Variants in PALM observed in about 807,000 individuals in gnomAD.
PALM encodes the protein paralemmin.
A neutral mutation model predicts 30.7 loss-of-function variants in PALM; 18 were observed. The observed-to-expected ratio is 0.59, with a 90% CI of 0.41 to 0.87. The LOEUF (loss-of-function observed/expected upper bound fraction) is 0.87. Among genes scored for constraint, PALM ranks in the 40% least tolerant of loss-of-function variants. PALM has a pLI of 0.00. For missense variants in PALM, 529 were observed against 555.4 expected (o/e 0.95, Z 0.48); for synonymous variants, 286 against 242.8 (o/e 1.18, Z -1.66).
At position 740,335 on chromosome 19, in the gene PALM, C is replaced by T. The variant is rs754102497; in HGVS notation, c.503-17C>T. ...GGGCGGGCAGGCCGTGGTGTAACCC[C>T]GTGACTCTCGTGCCAGCCATGTACT... On this transcript the variant is annotated splice_polypyrimidine_tract_variant and intron_variant, in intron 7 of 8. Coordinates refer to ENST00000338448, the MANE Select transcript of PALM (RefSeq NM_002579.3). 1.4e-5 allele frequency: 21 copies of T among 1,553,708 alleles called. No homozygotes were observed. The highest frequency in any genetic ancestry group is 5.8e-5 in the Admixed American group (3 of 51,752).
At chr19:724,543 A>C (rs1029190437) in intron 1 of PALM, among the ~76,000 whole-genome samples, 1 of 150,976 alleles carries the variant, frequency 6.6e-6, no homozygotes, top group African/African-American at 2.4e-5. Flanking sequence ...CTGGTCTAGA[A>C]CTCCTGACCT....
At chr19:727,232 G>A (rs1446283513) in intron 3 of PALM, 144 bp downstream of exon 3, 9 of 433,270 alleles carry the variant, frequency 2.1e-5, no homozygotes, top group Non-Finnish European at 3.7e-5. Context: ...CCCCGACCCT[G>A]ACCCCGACCC....
chr19:727,634 T>G lies in PALM; in HGVS notation c.209T>G (p.Leu70Arg). The change falls in exon 4 of 9, where the codon CTG becomes CGG. Residue 70 changes from leucine to arginine, a missense_variant. Physicochemically the swap from Leu to Arg is moderately radical, Grantham distance 102 (BLOSUM62 -2). Transcript: ENST00000338448. ...TCGGCCTCAGAGGGGGATGAGGACC[T>G]GAGGAGGCAGATGCAGGACGACGAG... ...PSSASEGDEDLRRQMQDDEQK... is the reference protein window; with the variant it reads ...PSSASEGDEDRRRQMQDDEQK... The G allele has an allele frequency of 6.4e-7, 1 of 1,574,212 alleles. No individual in the cohort carries two copies. Among genetic ancestry groups the G allele is most frequent in the Non-Finnish European group, 8.6e-7 (1 of 1,159,986 alleles).
chr19:740,968 CAAAAAA>C (rs60937470), intron 8 of PALM, among the ~76,000 whole-genome samples: 13 of 93,810 alleles, frequency 1.4e-4, no homozygotes, highest in African/African-American at 4.8e-4. Context: ...CCGTCTCTAC[CAAAAAA>C]AAAAAAAAAA....
chr19:733,359 A>T (rs1241225115), intron 5 of PALM, among the ~76,000 whole-genome samples: 1 of 152,190 alleles, frequency 6.6e-6, no homozygotes, highest in Non-Finnish European at 1.5e-5. Context: ...TGACGGGCAC[A>T]CCCAGTGACG....
chr19:734,297 C>A lies in PALM; in HGVS notation c.442+103C>A, dbSNP rs762819504. On this transcript the variant is annotated intron_variant, in intron 6 of 8. Coordinates refer to ENST00000338448, the MANE Select transcript of PALM (RefSeq NM_002579.3). ...AGCTACAAAGTTGCTCGGTGCCTCA[C>A]GCCTGTGATCCCAGCACTTTGGGAG... 17 of 1,097,622 alleles carry A rather than the reference C, an allele frequency of 1.5e-5. No individual in the cohort carries two copies. In the African/African-American group the frequency reaches 2.3e-4, roughly 15 times the overall value. The allele number at this position is 1,097,622 out of a possible 1,614,324, so 68.0% of individuals were successfully genotyped here.
chr19:741,614 C>T (rs1016014767), intron 8 of PALM, among the ~76,000 whole-genome samples: 3 of 151,680 alleles, frequency 2.0e-5, no homozygotes, highest in South Asian at 2.1e-4. Flanking sequence ...GCTGGGCTCA[C>T]GCAGGGAGGA....
At chr19:713,888 CT>C (rs2032165332) in intron 1 of PALM, among the ~76,000 whole-genome samples, 1 of 143,606 alleles carries the variant, frequency 7.0e-6, no homozygotes, top group East Asian at 2.1e-4. Context: ...AGCCTATGTT[CT>C]TTTTTTCTTT....
chr19:736,061 C>T lies in PALM; in HGVS notation c.485C>T (p.Ser162Phe), dbSNP rs140331374. Reference protein sequence around the residue: ...SNTPLRTVDGSPMMKAAMYSV... With the variant: ...SNTPLRTVDGFPMMKAAMYSV... ...ACGCCCCTGAGGACGGTTGACGGCT[C>T]CCCCATGATGAAGGCAGGTGGGTTG... The change falls in exon 7 of 9, where the codon TCC becomes TTC. Residue 162 changes from serine to phenylalanine, a missense_variant. Transcript: ENST00000338448. The T allele has an allele frequency of 9.3e-6, 15 of 1,609,672 alleles. No individual in the cohort carries two copies. The African/African-American group carries it at 1.9e-4, about 20-fold the overall frequency.
Position 747,682 on chromosome 19 carries a change from C to G in PALM, c.*868C>G, listed in dbSNP as rs2033389171. On this transcript the variant is annotated 3_prime_UTR_variant, in exon 9 of 9. Coordinates refer to ENST00000338448, the MANE Select transcript of PALM (RefSeq NM_002579.3). ...TTCTCCATCCTGCTTGGACCAGGGT[C>G]CTGGGTCTTCCCAACCATACCCCGA... 6.5e-6 allele frequency: 1 copy of G among 152,782 alleles called. No individual in the cohort carries two copies. Among genetic ancestry groups the G allele is most frequent in the Non-Finnish European group, 1.5e-5 (1 of 68,226 alleles). The allele number at this position is 152,782 out of a possible 1,614,324, so 9.5% of individuals were successfully genotyped here.
chr19:724,740 C>T (rs369908371), intron 1 of PALM, among the ~76,000 whole-genome samples: 1 of 152,262 alleles, frequency 6.6e-6, no homozygotes, highest in East Asian at 1.9e-4. Flanking sequence ...CCTTAGCCTC[C>T]CGAGTAGCTG....
rs879042291 is a variant in PALM, at chr19:734,175, G to A, written c.423G>A (p.Thr141=). ...KTEVVMNSQQ[T]PVGTPKDKRV... is the part of the protein sequence containing the mutation. Reference sequence around the variant, plus strand: ...CCCTTCTCTCTTCTTTCTTGCAGACGCCGGTGGGCACGCCCAAAGGTAGGA... The same window carrying A: ...CCCTTCTCTCTTCTTTCTTGCAGACACCGGTGGGCACGCCCAAAGGTAGGA... The change falls in exon 6 of 9, where the codon ACG becomes ACA. Residue 141 remains threonine, a splice_region_variant and synonymous_variant. Transcript: ENST00000338448. 6 of 1,613,860 alleles carry A rather than the reference G, an allele frequency of 3.7e-6. No homozygotes were observed. The highest frequency in any genetic ancestry group is 1.7e-5 in the Admixed American group (1 of 59,998).
intron 7 of PALM, among the ~76,000 whole-genome samples, chr19:739,456 G>A (rs1006618949): frequency 1.3e-5 from 2 of 152,042 alleles, no homozygotes; most frequent in Non-Finnish European, 2.9e-5. Context: ...GAGGTGGGAG[G>A]ATTGCTTGAG....
At chr19:729,602 A>AT (rs901956640) in intron 4 of PALM, among the ~76,000 whole-genome samples, 1 of 149,650 alleles carries the variant, frequency 6.7e-6, no homozygotes, top group African/African-American at 2.5e-5. Flanking sequence ...AGTAGCTGGG[A>AT]TTACAGGTGC....
intron 7 of PALM, among the ~76,000 whole-genome samples, chr19:737,455 TG>T (rs1279336592): frequency 6.6e-6 from 1 of 152,114 alleles, no homozygotes; most frequent in African/African-American, 2.4e-5. Context: ...TGCCAGGCAT[TG>T]GGGGAGAGGG....
chr19:726,900 T>C (rs1392883189), intron 2 of PALM, 108 bp from the exon 3 acceptor site: 2 of 691,630 alleles, frequency 2.9e-6, no homozygotes, highest in Non-Finnish European at 5.0e-6. Context: ...GCCACGAGGA[T>C]CCCCGGACAG....
rs2144924009 is a variant in PALM, at chr19:742,108, G to A, written c.634+1625G>A. Among the ~76,000 whole-genome samples the A allele has an allele frequency of 1.3e-5, 2 of 152,286 alleles. 1 individual carries two copies. Among genetic ancestry groups the A allele is most frequent in the South Asian group, 4.1e-4 (2 of 4,826 alleles). The stretch of plus-strand genomic sequence containing the variant: ...GGACATTGAGGCTGCAATGAGCTAT[G>A]ATGGCACCCCTGCACTCCAGCCTGG... On this transcript the variant is annotated intron_variant, in intron 8 of 8. Transcript: ENST00000338448. This position sits in a 1 kb window ranked among gnomAD's most constrained non-coding sequence, Gnocchi z 5.5.
intron 7 of PALM, among the ~76,000 whole-genome samples, chr19:738,162 G>A (rs572086927): frequency 2.6e-5 from 4 of 152,158 alleles, no homozygotes; most frequent in South Asian, 2.1e-4. Flanking sequence ...AGGCCAAGGC[G>A]GGCAGATCAT....
chr19:729,251 A>G (rs1434029839), intron 4 of PALM, among the ~76,000 whole-genome samples: 1 of 149,992 alleles, frequency 6.7e-6, no homozygotes, highest in Non-Finnish European at 1.5e-5. Context: ...GCTTGAACCC[A>G]GGAGGCGGAG....
Sources: allele counts gnomAD v4.1 joint callset (sites outside exome capture counted in the v4.1 genomes callset), GRCh38; gene constraint gnomAD v4.1.1; non-coding constraint Gnocchi (gnomAD v3.1); transcripts MANE v1.5; gene names NCBI Gene and HGNC (gene_info 2026-07-23, HGNC 2026-07-21).